Variants in RUBCNL observed in about 807,000 individuals in gnomAD.
RUBCNL encodes protein associated with UVRAG as autophagy enhancer.
RUBCNL carries 62 observed loss-of-function variants against 69.5 expected under a neutral mutation model. That is an observed-to-expected ratio of 0.89 (90% CI 0.73 to 1.10). The LOEUF is 1.10. Ranked by LOEUF, RUBCNL falls within the 50% of genes least tolerant of loss-of-function variation. The pLI, the probability that RUBCNL is intolerant of heterozygous loss-of-function variation, is 0.00. For synonymous variants in RUBCNL, 291 were observed against 303.6 expected, an observed-to-expected ratio of 0.96 and a Z score of 0.43; for missense variants, 768 against 798.1, an observed-to-expected ratio of 0.96 and a Z score of 0.45.
In RUBCNL at chr13:46,362,615, G is replaced by GA; in HGVS notation, c.926-18dup. 1 of 1,586,746 alleles carries GA rather than the reference G, an allele frequency of 6.3e-7. No individual in the cohort carries two copies. Among genetic ancestry groups the GA allele is most frequent in the Non-Finnish European group, 8.6e-7 (1 of 1,160,352 alleles). On this transcript the variant is annotated splice_polypyrimidine_tract_variant and intron_variant, in intron 6 of 14. Transcript: ENST00000429979. ...CTCCAAGCTCTGTGGGAAAATAAAA[G>GA]AAAGAGTGGTGAGGTCTTTTAGTCT...
intron 14 of RUBCNL, among the ~76,000 whole-genome samples, 165 bp from the exon 15 acceptor site, chr13:46,343,662 T>C (rs2048181863): frequency 6.6e-6 from 1 of 152,078 alleles, no homozygotes; most frequent in Non-Finnish European, 1.5e-5. Flanking sequence ...GCAGGTCACA[T>C]TTCAGCAGAC....
chr13:46,384,415 A>T (rs2049189702), intron 1 of RUBCNL, among the ~76,000 whole-genome samples: 1 of 152,198 alleles, frequency 6.6e-6, no homozygotes, highest in Non-Finnish European at 1.5e-5. Context: ...AGAATAATAC[A>T]ATACCTTTGA....
At position 46,372,715 on chromosome 13, in the gene RUBCNL, C is replaced by T. The variant is rs2048905831; in HGVS notation, c.-122-118G>A. 4 of 795,784 alleles carry T rather than the reference C, an allele frequency of 5.0e-6. No homozygotes were observed. In the South Asian group the frequency reaches 1.1e-4, roughly 21 times the overall value. 49.3% of individuals were successfully genotyped at this position (795,784 alleles called of 1,614,324 possible). ...GAAGTCTGTACTTGGCTCTATCCAA[C>T]ATAGTAAAGCCCGCTTGGATTTATA... On this transcript the variant is annotated intron_variant, in intron 2 of 14. Coordinates refer to ENST00000429979, the MANE Select transcript of RUBCNL (RefSeq NM_025113.5).
upstream of RUBCNL, chr13:46,387,309 G>C (rs1208920802): frequency 3.0e-6 from 3 of 985,466 alleles, no homozygotes; most frequent in South Asian, 4.7e-5. Context: ...CACGCCCCCC[G>C]CCTCCCACAC....
chr13:46,388,430 CAGGAAGGAAGGAAAGA>C (rs1003492805), upstream of RUBCNL, among the ~76,000 whole-genome samples: 6 of 141,224 alleles, frequency 4.2e-5, no homozygotes, highest in Admixed American at 2.2e-4. Context: ...AACCTAAGCC[CAGGAAGGAAGGAAAGA>C]AGGAAGGAAG....
At position 46,345,432 on chromosome 13, in the gene RUBCNL, TG is replaced by T; in HGVS notation, c.1785+14del. 1 of 1,553,408 alleles carries T rather than the reference TG, an allele frequency of 6.4e-7. No homozygotes were observed. Among genetic ancestry groups the T allele is most frequent in the South Asian group, 1.2e-5 (1 of 84,178 alleles). On this transcript the variant is annotated intron_variant, in intron 13 of 14. Transcript: ENST00000429979. ...TGGTGCATCGGGAACGAATCTGCTC[TG>T]GGTGCACCCTCACCTCACAGCCAGC...
chr13:46,348,088 A>G (rs895383213), intron 12 of RUBCNL, among the ~76,000 whole-genome samples: 1 of 152,218 alleles, frequency 6.6e-6, no homozygotes, highest in Non-Finnish European at 1.5e-5. Flanking sequence ...ACAAAAAGAC[A>G]AATACTGTAA....
intron 8 of RUBCNL, among the ~76,000 whole-genome samples, chr13:46,360,627 T>A (rs1281673592): frequency 6.6e-6 from 1 of 152,220 alleles, no homozygotes; most frequent in East Asian, 1.9e-4. Flanking sequence ...TTCTGAAATC[T>A]GCAGTCAGCC....
In RUBCNL at chr13:46,361,504, C is replaced by T. The variant is rs1299968853; in HGVS notation, c.1056G>A (p.Lys352=). Residue 352 remains lysine (K), a synonymous_variant, in exon 8 of 15, where the codon AAG becomes AAA. Transcript: ENST00000429979. ...AATTAACTACTGACAGTATCCAGCA[C>T]TTCTGGAACACGCGGTACAGCTCTT... The part of the protein sequence containing the change: ...LAKELYRVFQ[K]CWILSVVNSQ... 4 of 1,613,896 alleles carry T rather than the reference C, an allele frequency of 2.5e-6. No individual in the cohort carries two copies. The South Asian group carries it at 3.3e-5, about 13-fold the overall frequency.
rs117444350 is a variant in RUBCNL, at chr13:46,377,979, G to A, written c.-212C>T. On this transcript the variant is annotated 5_prime_UTR_variant, in exon 2 of 15. Coordinates refer to ENST00000429979, the MANE Select transcript of RUBCNL (RefSeq NM_025113.5). ...CAAAGTCCATGCAGTAGTGACAGGA[G>A]GTCAATATCCCCATTTTTTATTTTA... 31 of 1,582,198 alleles carry A rather than the reference G, an allele frequency of 2.0e-5. No individual in the cohort carries two copies. Among genetic ancestry groups the A allele is most frequent in the Non-Finnish European group, 2.7e-5 (31 of 1,167,394 alleles).
chr13:46,349,736 G>C lies in RUBCNL; in HGVS notation c.1569+377C>G, dbSNP rs367803253. Reference sequence around the variant, plus strand: ...CTGTCACCCAGGCTGGAGTGCAGTAGTGCAATCTCGGCTTGCTGCAACCTC... The same window carrying C: ...CTGTCACCCAGGCTGGAGTGCAGTACTGCAATCTCGGCTTGCTGCAACCTC... On this transcript the variant is annotated intron_variant, in intron 11 of 14. Coordinates refer to ENST00000429979, the MANE Select transcript of RUBCNL (RefSeq NM_025113.5). Among the ~76,000 whole-genome samples the C allele has an allele frequency of 2.2e-3, 341 of 151,588 alleles. 4 individuals carry two copies. The highest frequency in any genetic ancestry group is 0.012 in the South Asian group (56 of 4,796).
At chr13:46,387,394 C>T (rs1437612067), upstream of RUBCNL, 1 of 985,428 alleles carries the variant, frequency 1.0e-6, no homozygotes, top group Non-Finnish European at 1.2e-6. Flanking sequence ...CGAGACGTCG[C>T]CCAGATGGAA....
In RUBCNL at chr13:46,343,710, C is replaced by T. The variant is rs572366916; in HGVS notation, c.1877-213G>A. On this transcript the variant is annotated intron_variant, in intron 14 of 14. Coordinates refer to ENST00000429979, the MANE Select transcript of RUBCNL (RefSeq NM_025113.5). Reference sequence around the variant, plus strand: ...TCCAACAGGTCATGAACAGGAGGCTCAGAGAGCCTGATGTAACGGACACTG... The same window carrying T: ...TCCAACAGGTCATGAACAGGAGGCTTAGAGAGCCTGATGTAACGGACACTG... Among the ~76,000 whole-genome samples the T allele has an allele frequency of 3.3e-5, 5 of 152,260 alleles. No homozygotes were observed. In the South Asian group the frequency reaches 1.0e-3, roughly 32 times the overall value.
chr13:46,352,553 G>A (rs949022409), intron 10 of RUBCNL, among the ~76,000 whole-genome samples: 2 of 150,676 alleles, frequency 1.3e-5, no homozygotes, highest in Admixed American at 6.6e-5. Flanking sequence ...ACCTGTAATC[G>A]CAGCACTTTG....
Position 46,339,675 on chromosome 13 carries a change from A to G in RUBCNL, c.*3710T>C, listed in dbSNP as rs536883753. Among the ~76,000 whole-genome samples the G allele has an allele frequency of 2.6e-5, 4 of 152,278 alleles. No homozygotes were observed. Among genetic ancestry groups the G allele is most frequent in the South Asian group, 2.1e-4 (1 of 4,824 alleles). ...GGGGTTAGAGACCAGCCTTGCCAAC[A>G]TGGTGAAAACCCGTCTCTACTAAAA... On this transcript the variant is annotated 3_prime_UTR_variant, in exon 15 of 15. Coordinates refer to ENST00000429979, the MANE Select transcript of RUBCNL (RefSeq NM_025113.5).
chr13:46,387,912 G>A (rs143947201), upstream of RUBCNL: 16 of 949,504 alleles, frequency 1.7e-5, no homozygotes, highest in Non-Finnish European at 1.9e-5. Flanking sequence ...GTCACGAATA[G>A]AAACCTAAGC....
rs750516242 is a variant in RUBCNL at position 46,368,141 on chromosome 13, C to T, written c.727G>A (p.Gly243Arg). 6.2e-7 allele frequency: 1 copy of T among 1,613,966 alleles called. No individual in the cohort carries two copies. The highest frequency in any genetic ancestry group is 8.5e-7 in the Non-Finnish European group (1 of 1,179,870). Residue 243 changes from glycine (G) to arginine (R), a missense_variant, in exon 5 of 15, where the codon GGG becomes AGG. Physicochemically the swap from Gly to Arg is moderately radical, Grantham distance 125 (BLOSUM62 -2). Transcript: ENST00000429979. ...TCAGGCTGATCACTCCCAAGTAACC[C>T]ACTGACTTCTTTACTCCAGCTCTCT... ...QTESWSKEVSGLLGSDQPDSE... is the reference protein window; with the variant it reads ...QTESWSKEVSRLLGSDQPDSE...
At chr13:46,368,315 T>G (rs1007515405) in intron 4 of RUBCNL, 66 bp from the exon 5 acceptor site, 1 of 1,507,178 alleles carries the variant, frequency 6.6e-7, no homozygotes, top group African/African-American at 1.4e-5. Context: ...TATATTAGAT[T>G]TGAAAAATCA....
intron 6 of RUBCNL, among the ~76,000 whole-genome samples, 176 bp downstream of exon 6, chr13:46,362,939 G>GATAGATAT: frequency 2.4e-5 from 1 of 41,486 alleles, no homozygotes. Context: ...TATATATATA[G>GATAGATAT]ATATATATAT....
Sources: gnomAD v4.1 joint callset for allele counts (sites outside exome capture counted in the v4.1 genomes callset) on GRCh38, gnomAD v4.1.1 for gene constraint, MANE v1.5 for transcripts, NCBI Gene and HGNC (gene_info 2026-07-23, HGNC 2026-07-21) for gene names.